Variants in STX7 observed in about 807,000 individuals in gnomAD.
STX7 encodes the protein syntaxin 7.
In STX7, 34 loss-of-function variants were observed where a neutral mutation model predicts 39.6. The observed-to-expected ratio is 0.86, with a 90% CI of 0.65 to 1.14. The LOEUF (loss-of-function observed/expected upper bound fraction) is 1.14. Ranked by LOEUF, STX7 falls within the 50% of genes most tolerant of loss-of-function variation. The pLI is 0.00. For synonymous variants in STX7, 119 were observed against 99.1 expected, an observed-to-expected ratio of 1.20 and a Z score of -1.19; for missense variants, 284 against 310.4, an observed-to-expected ratio of 0.92 and a Z score of 0.64.
intron 3 of STX7, 75 bp downstream of exon 3, chr6:132,475,518 A>T: frequency 9.9e-7 from 1 of 1,014,072 alleles, no homozygotes; most frequent in Non-Finnish European, 1.4e-6. Flanking sequence ...ATAATATACT[A>T]CATACTGTAA....
chr6:132,461,902 T>A (rs1774417247), intron 9 of STX7: 1 of 1,475,180 alleles, frequency 6.8e-7, no homozygotes, highest in Non-Finnish European at 9.2e-7. Flanking sequence ...TTGTGTCAAG[T>A]AGAAGTACCA....
intron 2 of STX7, among the ~76,000 whole-genome samples, chr6:132,497,115 T>C (rs1334385009): frequency 2.0e-5 from 3 of 152,004 alleles, no homozygotes; most frequent in South Asian, 2.1e-4. Flanking sequence ...CAAAAGAACA[T>C]ATAAGAATGT....
In STX7 at chr6:132,448,745, G is replaced by A. The variant is rs1451056880; in HGVS notation, c.*12013C>T. Reference sequence around the variant, plus strand: ...CCCAGCTACTCGGGAGGCTGAGGCAGGAGAATCAATTGAACCCGGGAAATG... The same window carrying A: ...CCCAGCTACTCGGGAGGCTGAGGCAAGAGAATCAATTGAACCCGGGAAATG... On this transcript the variant is annotated 3_prime_UTR_variant, in exon 10 of 10. Coordinates refer to ENST00000367941, the MANE Select transcript of STX7 (RefSeq NM_003569.3). 6.7e-6 allele frequency: 1 copy of A among 149,636 alleles called. No homozygotes were observed. The highest frequency in any genetic ancestry group is 1.5e-5 in the Non-Finnish European group (1 of 67,838). 9.3% of individuals were successfully genotyped at this position (149,636 alleles called of 1,614,324 possible).
chr6:132,501,059 T>C (rs1775546803), intron 2 of STX7, among the ~76,000 whole-genome samples: 1 of 147,646 alleles, frequency 6.8e-6, no homozygotes, highest in Admixed American at 6.7e-5. Flanking sequence ...GAACAGTCCC[T>C]GTCTTTTTTT....
At chr6:132,510,139 G>A (rs1261918767) in intron 1 of STX7, among the ~76,000 whole-genome samples, 1 of 152,230 alleles carries the variant, frequency 6.6e-6, no homozygotes, top group Non-Finnish European at 1.5e-5. Flanking sequence ...AGCTAGGTAG[G>A]AGGAATGAAG....
chr6:132,507,077 A>C (rs1036096337), intron 1 of STX7, among the ~76,000 whole-genome samples: 4 of 152,228 alleles, frequency 2.6e-5, no homozygotes, highest in African/African-American at 9.6e-5. Flanking sequence ...GCATGTTCTC[A>C]CTTGTAAGTG....
Position 132,454,959 on chromosome 6 carries a change from G to C in STX7, c.*5799C>G, listed in dbSNP as rs924792460. The C allele has an allele frequency of 6.6e-6, 1 of 152,154 alleles. No homozygotes were observed. The highest frequency in any genetic ancestry group is 1.5e-5 in the Non-Finnish European group (1 of 68,014). 9.4% of individuals were successfully genotyped at this position (152,154 alleles called of 1,614,324 possible). On this transcript the variant is annotated 3_prime_UTR_variant, in exon 10 of 10. Coordinates refer to ENST00000367941, the MANE Select transcript of STX7 (RefSeq NM_003569.3). ...AACATTAAATCTGGCCCTGGGAAGA[G>C]GTTGGATGTGGCCTGAGGCACATTG...
rs1774146146 is a variant in STX7, at chr6:132,452,047, G to GTGGA, written c.*8707_*8710dup. The GTGGA allele has an allele frequency of 6.6e-6, 1 of 152,116 alleles. No individual in the cohort carries two copies. 9.4% of individuals were successfully genotyped at this position (152,116 alleles called of 1,614,324 possible). On this transcript the variant is annotated 3_prime_UTR_variant, in exon 10 of 10. Coordinates refer to ENST00000367941, the MANE Select transcript of STX7 (RefSeq NM_003569.3). The stretch of plus-strand genomic sequence containing the variant: ...ATATACAAAGATACACCACGACCAA[G>GTGGA]TGGAGTTTATCTCAGGGATGTAACA...
intron 2 of STX7, among the ~76,000 whole-genome samples, chr6:132,493,144 C>A (rs558653987): frequency 6.6e-6 from 1 of 152,064 alleles, no homozygotes; most frequent in Admixed American, 6.5e-5. Flanking sequence ...ATCATTAATA[C>A]GTAACTTCAA....
chr6:132,470,114 T>C (rs1170003921), intron 6 of STX7, 67 bp from the exon 7 acceptor site: 11 of 1,155,662 alleles, frequency 9.5e-6, no homozygotes, highest in Non-Finnish European at 1.3e-5. Context: ...ACTCATTTCC[T>C]ATTTAAGATA....
intron 3 of STX7, 41 bp downstream of exon 3, chr6:132,475,552 A>C: frequency 7.3e-7 from 1 of 1,371,246 alleles, no homozygotes; most frequent in South Asian, 1.3e-5. Flanking sequence ...ATAGCAATAG[A>C]GTTTTTTCTT....
chr6:132,490,939 G>A (rs2114440586), intron 2 of STX7, among the ~76,000 whole-genome samples: 1 of 144,688 alleles, frequency 6.9e-6, no homozygotes, highest in Non-Finnish European at 1.5e-5. Flanking sequence ...CTGAGAGGCA[G>A]AGGAGGAAAG....
chr6:132,461,718 C>A, intron 9 of STX7: 2 of 1,067,606 alleles, frequency 1.9e-6, no homozygotes, highest in Non-Finnish European at 2.6e-6. Context: ...TCTCAACAAA[C>A]AAAACCACAG....
At chr6:132,504,111 G>T (rs545352804) in intron 1 of STX7, among the ~76,000 whole-genome samples, 4 of 152,182 alleles carry the variant, frequency 2.6e-5, no homozygotes, top group Non-Finnish European at 4.4e-5. Flanking sequence ...TTTAATTGTG[G>T]TTTTTGCCAT....
intron 2 of STX7, among the ~76,000 whole-genome samples, chr6:132,482,762 CT>C (rs1775043473): frequency 6.6e-6 from 1 of 152,170 alleles, no homozygotes; most frequent in Non-Finnish European, 1.5e-5. Context: ...CACAAGGATC[CT>C]TCTTCCCAGC....
intron 2 of STX7, among the ~76,000 whole-genome samples, chr6:132,492,390 A>C (rs1775313265): frequency 6.6e-6 from 1 of 152,202 alleles, no homozygotes; most frequent in African/African-American, 2.4e-5. Context: ...ATCTCCTTCT[A>C]ACATATGACA....
intron 2 of STX7, among the ~76,000 whole-genome samples, chr6:132,486,944 G>A (rs1392063764): frequency 6.6e-6 from 1 of 152,118 alleles, no homozygotes; most frequent in African/African-American, 2.4e-5. Flanking sequence ...TGGGATTACA[G>A]GCATGAACCA....
rs751313741 is a variant in STX7, at chr6:132,453,664, T to C, written c.*7094A>G. ...GAGATACAGGTGGCAAATAAGCATATGAAACAAAGATGCTCAACATCATTG... is the reference window on the plus strand; with the variant it reads ...GAGATACAGGTGGCAAATAAGCATACGAAACAAAGATGCTCAACATCATTG... On this transcript the variant is annotated 3_prime_UTR_variant, in exon 10 of 10. Coordinates refer to ENST00000367941, the MANE Select transcript of STX7 (RefSeq NM_003569.3). 1 of 151,604 alleles carries C rather than the reference T, an allele frequency of 6.6e-6. No homozygotes were observed. The highest frequency in any genetic ancestry group is 1.5e-5 in the Non-Finnish European group (1 of 67,898). 9.4% of individuals were successfully genotyped at this position (151,604 alleles called of 1,614,324 possible).
chr6:132,488,619 T>G (rs529560690), intron 2 of STX7, among the ~76,000 whole-genome samples: 80 of 152,322 alleles, frequency 5.3e-4, no homozygotes, highest in African/African-American at 1.9e-3. Context: ...CTATCTAATG[T>G]GAACCATACT....
Sources: allele counts gnomAD v4.1 joint callset (sites outside exome capture counted in the v4.1 genomes callset), GRCh38; gene constraint gnomAD v4.1.1; transcripts MANE v1.5; gene names NCBI Gene and HGNC (gene_info 2026-07-23, HGNC 2026-07-21).